Variants in SV2B observed in about 807,000 individuals in gnomAD.
The protein encoded by SV2B is synaptic vesicle glycoprotein 2B.
SV2B carries 41 observed loss-of-function variants against 73.9 expected under a neutral mutation model. That is an observed-to-expected ratio of 0.56 (90% CI 0.43 to 0.72). The LOEUF is 0.72. SV2B is among the 30% of genes least tolerant of loss of function. SV2B has a pLI of 0.00. For synonymous variants in SV2B, 314 were observed against 314.2 expected, an observed-to-expected ratio of 1.00 and a Z score of 0.01; for missense variants, 764 against 857.8, an observed-to-expected ratio of 0.89 and a Z score of 1.37.
At position 91,301,633 on chromosome 15, in the gene SV2B, G is replaced by A. The variant is rs916939133; in HGVS notation, c.*9081G>A. Reference sequence around the variant, plus strand: ...TTATTTTCTTCCCTTTAGAAGTGGGGAAACTGGAACACAGGAAAGTCACTT... The same window carrying A: ...TTATTTTCTTCCCTTTAGAAGTGGGAAAACTGGAACACAGGAAAGTCACTT... On this transcript the variant is annotated 3_prime_UTR_variant, in exon 13 of 13. Transcript: ENST00000394232. This position sits in a 1 kb window ranked among gnomAD's most constrained non-coding sequence, Gnocchi z 4.3. Among the ~76,000 whole-genome samples the A allele has an allele frequency of 1.3e-5, 2 of 151,996 alleles. No homozygotes were observed. Among genetic ancestry groups the A allele is most frequent in the Non-Finnish European group, 1.5e-5 (1 of 67,930 alleles).
intron 1 of SV2B, among the ~76,000 whole-genome samples, chr15:91,208,866 G>T (rs896582325): frequency 6.6e-6 from 1 of 152,184 alleles, no homozygotes; most frequent in African/African-American, 2.4e-5. Context: ...GTTCATTTCA[G>T]TATCCACGGA....
chr15:91,124,330 A>C lies in SV2B; in HGVS notation c.-392+23967A>C, dbSNP rs1457254567. Among the ~76,000 whole-genome samples the C allele has an allele frequency of 6.6e-6, 1 of 152,132 alleles. No homozygotes were observed. Among genetic ancestry groups the C allele is most frequent in the East Asian group, 1.9e-4 (1 of 5,196 alleles). ...TTCCTTCTGTGAGGCACGACTTCCC[A>C]GGCAGGACTCTTGGGAGGATTGTGA... On this transcript the variant is annotated intron_variant, in intron 1 of 12. Coordinates refer to ENST00000394232, the MANE Select transcript of SV2B (RefSeq NM_001323032.3). The surrounding 1 kb of genome is among the most constrained non-coding windows in gnomAD (Gnocchi z 4.6).
chr15:91,284,173 A>T lies in SV2B; in HGVS notation c.1660A>T (p.Ile554Phe). ...CAGCCTGTCTGTCTTACCCGGGAAC[A>T]TCATTTCTGCCCTGCTCATGGATAG... is the stretch of plus-strand genomic sequence containing the variant. ...LGSLSVLPGN[I>F]ISALLMDRIG... The change falls in exon 11 of 13, where the codon ATC (isoleucine) becomes TTC (phenylalanine). Residue 554 changes from isoleucine to phenylalanine, a missense_variant. Physicochemically the swap from Ile to Phe is conservative, Grantham distance 21. Coordinates refer to ENST00000394232, the MANE Select transcript of SV2B (RefSeq NM_001323032.3). The surrounding 1 kb of genome is among the most constrained non-coding windows in gnomAD (Gnocchi z 4.5). The T allele has an allele frequency of 6.2e-7, 1 of 1,614,222 alleles. No homozygotes were observed.
intron 1 of SV2B, among the ~76,000 whole-genome samples, chr15:91,199,056 G>T (rs2045365090): frequency 6.6e-6 from 1 of 152,026 alleles, no homozygotes; most frequent in Admixed American, 6.5e-5. Context: ...TCCTTATGTT[G>T]CCCAGGCTGT....
At position 91,148,450 on chromosome 15, in the gene SV2B, C is replaced by A. The variant is rs116255713; in HGVS notation, c.-392+48087C>A. On this transcript the variant is annotated intron_variant, in intron 1 of 12. Transcript: ENST00000394232. ...AGACAGCAAGTGAGAAGCGATGAGG[C>A]GTGCTGTTGGGTTAGCCCATCTTAG... is the stretch of plus-strand genomic sequence containing the variant. Among the ~76,000 whole-genome samples, 782 of 152,152 alleles carry A rather than the reference C, an allele frequency of 5.1e-3. 11 individuals carry two copies. The highest frequency in any genetic ancestry group is 0.018 in the African/African-American group (735 of 41,494).
chr15:91,257,308 C>T (rs1423130390), intron 4 of SV2B, among the ~76,000 whole-genome samples: 3 of 152,194 alleles, frequency 2.0e-5, no homozygotes, highest in Non-Finnish European at 2.9e-5. Context: ...TATTCTACAG[C>T]TGCGAAAACC....
In SV2B at chr15:91,226,115, A is replaced by G. The variant is rs941221789; in HGVS notation, c.-149A>G. 1.8e-5 allele frequency: 13 copies of G among 718,144 alleles called. No homozygotes were observed. Among genetic ancestry groups the G allele is most frequent in the Non-Finnish European group, 2.7e-5 (12 of 445,282 alleles). The allele number at this position is 718,144 out of a possible 1,614,324, so 44.5% of individuals were successfully genotyped here. On this transcript the variant is annotated 5_prime_UTR_variant, in exon 2 of 13. Coordinates refer to ENST00000394232, the MANE Select transcript of SV2B (RefSeq NM_001323032.3). ...TGATTTGAGAGATAAAGGGGGGGGGAACCAGTGTGACTTTCACCTAAGAAG... is the reference window on the plus strand; with the variant it reads ...TGATTTGAGAGATAAAGGGGGGGGGGACCAGTGTGACTTTCACCTAAGAAG...
In SV2B at chr15:91,241,081, A is replaced by C. The variant is rs2046991890; in HGVS notation, c.452-10738A>C. On this transcript the variant is annotated intron_variant, in intron 2 of 12. Coordinates refer to ENST00000394232, the MANE Select transcript of SV2B (RefSeq NM_001323032.3). The surrounding 1 kb of genome is among the most constrained non-coding windows in gnomAD (Gnocchi z 4.8). ...TTAGTTCCAGGTTCATCACGGTCAC[A>C]TTCCAACCATCTCTCTATTATTGTC... 6.6e-6 allele frequency among the ~76,000 whole-genome samples: 1 copy of C among 152,180 alleles called. No individual in the cohort carries two copies. Among genetic ancestry groups the C allele is most frequent in the Non-Finnish European group, 1.5e-5 (1 of 68,046 alleles).
rs562938648 is a variant in SV2B, at chr15:91,129,221, T to C, written c.-392+28858T>C. The stretch of plus-strand genomic sequence containing the variant: ...GTAGGTACATGACACATTACAGAAA[T>C]GAGTAGGTCAAAGATATCCAACCTT... On this transcript the variant is annotated intron_variant, in intron 1 of 12. Transcript: ENST00000394232. This position sits in a 1 kb window ranked among gnomAD's most constrained non-coding sequence, Gnocchi z 5.1. Among the ~76,000 whole-genome samples, 2 of 152,294 alleles carry C rather than the reference T, an allele frequency of 1.3e-5. No individual in the cohort carries two copies. Among genetic ancestry groups the C allele is most frequent in the African/African-American group, 4.8e-5 (2 of 41,556 alleles).
intron 1 of SV2B, among the ~76,000 whole-genome samples, chr15:91,196,874 G>A (rs1040630252): frequency 2.6e-5 from 4 of 152,184 alleles, no homozygotes; most frequent in Non-Finnish European, 4.4e-5. Flanking sequence ...TGAGGTTCTC[G>A]CCAAGCAGGG....
At chr15:91,270,302 A>T (rs2048249697) in intron 9 of SV2B, among the ~76,000 whole-genome samples, 1 of 152,242 alleles carries the variant, frequency 6.6e-6, no homozygotes, top group Non-Finnish European at 1.5e-5. Context: ...GTTAATGAGC[A>T]TTGCTGTGTG....
rs192736997 is a variant in SV2B, at chr15:91,269,587, C to T, written c.1373+982C>T. ...CTGCACCCACATATGCGTCTGGTGT[C>T]TCAGTAAAGTCCCTACCTGTAGTGA... On this transcript the variant is annotated intron_variant, in intron 9 of 12. Transcript: ENST00000394232. Among the ~76,000 whole-genome samples, 6 of 152,340 alleles carry T rather than the reference C, an allele frequency of 3.9e-5. No homozygotes were observed. In the East Asian group the frequency reaches 1.2e-3, roughly 29 times the overall value.
rs370424859 is a variant in SV2B at position 91,259,985 on chromosome 15, G to A, written c.919-335G>A. ...TCAACCTGTAACATGTTGCTTCTTC[G>A]CCTTATCTCATCAGTGACGAACGTG... On this transcript the variant is annotated intron_variant, in intron 5 of 12. Coordinates refer to ENST00000394232, the MANE Select transcript of SV2B (RefSeq NM_001323032.3). Among the ~76,000 whole-genome samples the A allele has an allele frequency of 3.3e-4, 50 of 152,092 alleles. 2 individuals carry two copies. In the South Asian group the frequency reaches 9.8e-3, roughly 30 times the overall value.
rs1290710147 is a variant in SV2B at position 91,276,799 on chromosome 15, G to GTTA, written c.1374-4927_1374-4926insATT. 2.1e-3 allele frequency among the ~76,000 whole-genome samples: 165 copies of GTTA among 77,342 alleles called. 2 individuals are homozygous for GTTA. Among genetic ancestry groups the GTTA allele is most frequent in the African/African-American group, 9.9e-3 (157 of 15,864 alleles). The allele number at this position is 77,342 out of a possible 152,430, so 50.7% of individuals were successfully genotyped here. On this transcript the variant is annotated intron_variant, in intron 9 of 12. Transcript: ENST00000394232. ...TGATAGTTCCAGTATTTATATTATT[G>GTTA]TTGTTGTTATTATTATTATTATTAT...
rs530901912 is a variant in SV2B at position 91,299,029 on chromosome 15, G to A, written c.*6477G>A. On this transcript the variant is annotated 3_prime_UTR_variant, in exon 13 of 13. Coordinates refer to ENST00000394232, the MANE Select transcript of SV2B (RefSeq NM_001323032.3). ...GCCACCAAAAATGCAAAAATGACAA[G>A]TAAGTGAGGTAACGCATGAGCTAAA... is the stretch of plus-strand genomic sequence containing the variant. The A allele has an allele frequency of 6.6e-5, 10 of 152,210 alleles. No homozygotes were observed. Among genetic ancestry groups the A allele is most frequent in the African/African-American group, 2.4e-4 (10 of 41,518 alleles). 9.4% of individuals were successfully genotyped at this position (152,210 alleles called of 1,614,324 possible).
chr15:91,259,703 T>G (rs2047836868), intron 5 of SV2B, among the ~76,000 whole-genome samples: 1 of 152,158 alleles, frequency 6.6e-6, no homozygotes, highest in Non-Finnish European at 1.5e-5. Flanking sequence ...ATTTTGACCA[T>G]TCCTTGGCTT....
At position 91,224,877 on chromosome 15, in the gene SV2B, T is replaced by C. The variant is rs1241989451; in HGVS notation, c.-391-996T>C. ...GATTCTAGGCACAATGAGAATCCACTGGGCAAAGGAGTCAACAGAGGGACT... is the reference window on the plus strand; with the variant it reads ...GATTCTAGGCACAATGAGAATCCACCGGGCAAAGGAGTCAACAGAGGGACT... On this transcript the variant is annotated intron_variant, in intron 1 of 12. Coordinates refer to ENST00000394232, the MANE Select transcript of SV2B (RefSeq NM_001323032.3). The surrounding 1 kb of genome is among the most constrained non-coding windows in gnomAD (Gnocchi z 4.9). Among the ~76,000 whole-genome samples, 1 of 152,140 alleles carries C rather than the reference T, an allele frequency of 6.6e-6. No individual in the cohort carries two copies. The highest frequency in any genetic ancestry group is 6.5e-5 in the Admixed American group (1 of 15,278).
intron 1 of SV2B, among the ~76,000 whole-genome samples, chr15:91,222,155 C>A (rs1479888749): frequency 2.6e-5 from 4 of 152,154 alleles, no homozygotes; most frequent in South Asian, 2.1e-4. Flanking sequence ...CAGCAGATCC[C>A]AGCCCCTAGG....
At chr15:91,194,313 C>G (rs577459053) in intron 1 of SV2B, among the ~76,000 whole-genome samples, 1 of 152,210 alleles carries the variant, frequency 6.6e-6, no homozygotes, top group Admixed American at 6.5e-5. Flanking sequence ...TTTGGGCCAG[C>G]CTGCTCATGC....
Sources: gnomAD v4.1 joint callset for allele counts (sites outside exome capture counted in the v4.1 genomes callset) on GRCh38, gnomAD v4.1.1 for gene constraint, Gnocchi (gnomAD v3.1) non-coding constraint, MANE v1.5 for transcripts, NCBI Gene and HGNC (gene_info 2026-07-23, HGNC 2026-07-21) for gene names.